The following NR2C2 variants were observed in gnomAD, a reference collection of about 807,000 sequenced individuals.
NR2C2 encodes nuclear receptor subfamily 2 group C member 2, also known as Nuclear hormone receptor TR4.
A neutral mutation model predicts 62.9 loss-of-function variants in NR2C2; 6 were observed. That is an observed-to-expected ratio of 0.10 (90% CI 0.05 to 0.19). The LOEUF is 0.19. NR2C2 is among the 10% of genes least tolerant of loss of function. The pLI is 1.00. For synonymous variants in NR2C2, 272 were observed against 273.8 expected (o/e 0.99, Z 0.07); for missense variants, 479 against 762.7 (o/e 0.63, Z 4.38).
At chr3:14,974,515 G>T (rs746623908) in intron 1 of NR2C2, among the ~76,000 whole-genome samples, 1 of 152,044 alleles carries the variant, frequency 6.6e-6, no homozygotes, top group Non-Finnish European at 1.5e-5. Flanking sequence ...TTCAATCCAT[G>T]AACACAGGAT....
chr3:15,017,815 A>G (rs959160466), intron 4 of NR2C2, among the ~76,000 whole-genome samples: 2 of 152,238 alleles, frequency 1.3e-5, no homozygotes, highest in East Asian at 1.9e-4. Context: ...GAACAGTGGG[A>G]TTCTCTGTAG....
intron 1 of NR2C2, among the ~76,000 whole-genome samples, chr3:14,971,320 G>A (rs2040032314): frequency 6.6e-6 from 1 of 151,498 alleles, no homozygotes; most frequent in Non-Finnish European, 1.5e-5. Context: ...GTTTCACCAT[G>A]TTGGCCAAGC....
At chr3:15,028,405 TACC>T (rs1029814846) in intron 7 of NR2C2, among the ~76,000 whole-genome samples, 178 bp from the exon 8 acceptor site, 18 of 152,336 alleles carry the variant, frequency 1.2e-4, no homozygotes, top group East Asian at 5.8e-4. Flanking sequence ...TTTGTGTAAA[TACC>T]ACCACACCAA....
chr3:14,980,192 C>G (rs868285637), intron 1 of NR2C2, among the ~76,000 whole-genome samples: 1 of 152,000 alleles, frequency 6.6e-6, no homozygotes, highest in Non-Finnish European at 1.5e-5. Flanking sequence ...ACTCTGTCAC[C>G]TAGGCTGAAG....
At chr3:14,949,525 T>C (rs141361929) in intron 1 of NR2C2, among the ~76,000 whole-genome samples, 55 of 152,336 alleles carry the variant, frequency 3.6e-4, no homozygotes, top group African/African-American at 1.1e-3. Flanking sequence ...ATCTTCAATG[T>C]AATAAGAAAG....
intron 1 of NR2C2, among the ~76,000 whole-genome samples, chr3:14,959,845 T>C (rs1400127816): frequency 2.0e-5 from 3 of 152,050 alleles, no homozygotes; most frequent in Non-Finnish European, 4.4e-5. Flanking sequence ...TGGAATAGAA[T>C]AGAGAACCTA....
At chr3:15,030,497 A>T (rs777385141) in intron 9 of NR2C2, 45 bp downstream of exon 9, 4 of 1,511,766 alleles carry the variant, frequency 2.6e-6, no homozygotes, top group Non-Finnish European at 3.5e-6. Context: ...CTGCTGGGGG[A>T]TAGGTTCTGT....
intron 1 of NR2C2, among the ~76,000 whole-genome samples, chr3:15,001,326 T>G (rs1208600913): frequency 6.7e-6 from 1 of 148,324 alleles, no homozygotes; most frequent in Non-Finnish European, 1.5e-5. Context: ...GGGTTTTTTT[T>G]TTTTTTTTTT....
intron 1 of NR2C2, among the ~76,000 whole-genome samples, chr3:14,961,501 T>G (rs62241827): frequency 0.09 from 13,725 of 152,306 alleles, 677 homozygotes; most frequent in African/African-American, 0.12. Flanking sequence ...CCTGTGGACC[T>G]TGGGACCTAT....
chr3:14,984,014 G>A (rs1280708053), intron 1 of NR2C2, among the ~76,000 whole-genome samples: 1 of 151,766 alleles, frequency 6.6e-6, no homozygotes, highest in African/African-American at 2.4e-5. Flanking sequence ...TCAGCCTCCC[G>A]AGTAGCTGGG....
Position 15,046,556 on chromosome 3 carries a change from GC to G in NR2C2, c.*3552del, listed in dbSNP as rs1226756021. ...CAGCCCGCCCTCTGCAGGGCTTCCA[GC>G]CCCTGGCCGCAATCAGCAGTTCATG... On this transcript the variant is annotated 3_prime_UTR_variant, in exon 14 of 14. Transcript: ENST00000425241. The G allele has an allele frequency of 1.3e-5, 2 of 152,312 alleles. No homozygotes were observed. Among genetic ancestry groups the G allele is most frequent in the Non-Finnish European group, 2.9e-5 (2 of 68,086 alleles). The allele number at this position is 152,312 out of a possible 1,614,324, so 9.4% of individuals were successfully genotyped here. A position where few individuals can be genotyped will look rare whatever the true frequency, so the allele number is the denominator to read the frequency against.
rs933637651 is a variant in NR2C2 at position 15,047,805 on chromosome 3, C to T, written c.*4797C>T. On this transcript the variant is annotated 3_prime_UTR_variant, in exon 14 of 14. Transcript: ENST00000425241. ...TACAGATCTCAAGTTACTTCTCTAA[C>T]TGTAAGCATGTAAATGACTTTAACT... The T allele has an allele frequency of 6.6e-6, 1 of 152,228 alleles. No homozygotes were observed. Among genetic ancestry groups the T allele is most frequent in the Non-Finnish European group, 1.5e-5 (1 of 68,038 alleles). The allele number at this position is 152,228 out of a possible 1,614,324, so 9.4% of individuals were successfully genotyped here. A position where few individuals can be genotyped will look rare whatever the true frequency, so the allele number is the denominator to read the frequency against.
At chr3:15,027,540 G>T (rs920600818) in intron 7 of NR2C2, among the ~76,000 whole-genome samples, 1 of 152,166 alleles carries the variant, frequency 6.6e-6, no homozygotes, top group Non-Finnish European at 1.5e-5. Context: ...CTCTTCATAT[G>T]CTTATGGGCT....
At chr3:14,965,069 C>T (rs908112948) in intron 1 of NR2C2, among the ~76,000 whole-genome samples, 3 of 152,190 alleles carry the variant, frequency 2.0e-5, no homozygotes, top group Admixed American at 6.5e-5. Flanking sequence ...GCCGGAATAC[C>T]TGCAGAGAAC....
At chr3:15,014,358 C>T (rs2041440977) in intron 3 of NR2C2, among the ~76,000 whole-genome samples, 1 of 152,136 alleles carries the variant, frequency 6.6e-6, no homozygotes, top group Non-Finnish European at 1.5e-5. Flanking sequence ...TTGTTGCTAG[C>T]ATGAGTCTGG....
At chr3:14,960,349 C>G (rs1010206715) in intron 1 of NR2C2, among the ~76,000 whole-genome samples, 1 of 152,194 alleles carries the variant, frequency 6.6e-6, no homozygotes, top group African/African-American at 2.4e-5. Flanking sequence ...ACTGCTGCTT[C>G]TCTGTGACTT....
chr3:15,047,129 T>C lies in NR2C2; in HGVS notation c.*4121T>C, dbSNP rs1276977903. 1.3e-5 allele frequency: 2 copies of C among 152,684 alleles called. No homozygotes were observed. Among genetic ancestry groups the C allele is most frequent in the Admixed American group, 1.3e-4 (2 of 15,294 alleles). The allele number at this position is 152,684 out of a possible 1,614,324, so 9.5% of individuals were successfully genotyped here. On this transcript the variant is annotated 3_prime_UTR_variant, in exon 14 of 14. Transcript: ENST00000425241. ...TATGTGTACATAGATGTATATTATGTATACAGACATGTATCCAAACTTTCC... is the reference window on the plus strand; with the variant it reads ...TATGTGTACATAGATGTATATTATGCATACAGACATGTATCCAAACTTTCC...
At chr3:14,959,780 A>G (rs1038927353) in intron 1 of NR2C2, 1 of 152,252 alleles carries the variant, frequency 6.6e-6, no homozygotes, top group Non-Finnish European at 1.5e-5. Flanking sequence ...ACTTACGCTA[A>G]CACTGCAGTA....
chr3:15,012,335 C>T (rs1260626123), intron 2 of NR2C2, among the ~76,000 whole-genome samples: 4 of 151,964 alleles, frequency 2.6e-5, no homozygotes, highest in Admixed American at 2.0e-4. Flanking sequence ...AAGCGATTCT[C>T]GTGTCTTGGC....
Sources: gnomAD v4.1 joint callset for allele counts (sites outside exome capture counted in the v4.1 genomes callset) on GRCh38, gnomAD v4.1.1 for gene constraint, MANE v1.5 for transcripts, NCBI Gene and HGNC (gene_info 2026-07-23, HGNC 2026-07-21) for gene names.